The following GNB1 variants were observed in gnomAD, a reference collection of about 807,000 sequenced individuals.
GNB1 encodes the protein G protein subunit beta 1.
A neutral mutation model predicts 42.9 loss-of-function variants in GNB1; 2 were observed. The ratio of observed to expected loss-of-function variants is 0.05; its 90% CI spans 0.02 to 0.15. GNB1 has a LOEUF of 0.15. Ranked by LOEUF, GNB1 falls within the 10% of genes least tolerant of loss-of-function variation. The probability of loss-of-function intolerance (pLI) is 1.00; values close to 1 mark genes in which losing one functional copy is unlikely to be tolerated. For synonymous variants in GNB1, 183 were observed against 174.7 expected, an observed-to-expected ratio of 1.05 and a Z score of -0.38; for missense variants, 193 against 462.2, an observed-to-expected ratio of 0.42 and a Z score of 5.34.
At chr1:1,859,858 A>G (rs1453510051) in intron 1 of GNB1, among the ~76,000 whole-genome samples, 1 of 151,358 alleles carries the variant, frequency 6.6e-6, no homozygotes, top group Admixed American at 6.6e-5. Context: ...TACTAAAAAT[A>G]CAAAAAAGGT....
At chr1:1,806,390 T>C in intron 6 of GNB1, 85 bp downstream of exon 6, 1 of 819,662 alleles carries the variant, frequency 1.2e-6, no homozygotes, top group African/African-American at 1.7e-5. Context: ...TATCCTGTAT[T>C]ACGTGATTTA....
chr1:1,792,696 C>CAAAAAAAAA (rs374752641), intron 8 of GNB1, among the ~76,000 whole-genome samples: 2 of 102,808 alleles, frequency 1.9e-5, no homozygotes, highest in African/African-American at 3.6e-5. Context: ...GACTCTATCT[C>CAAAAAAAAA]AAAAAAAAAA....
chr1:1,814,814 A>G lies in GNB1; in HGVS notation c.203+942T>C, dbSNP rs560034100. The stretch of plus-strand genomic sequence containing the variant: ...CCCTGTCTCAAAAAAAAAAAAAAAA[A>G]AAAAAAGAAAAAAAGAGGCTGGGCG... On this transcript the variant is annotated intron_variant, in intron 5 of 11. Transcript: ENST00000378609. Among the ~76,000 whole-genome samples, 1,166 of 144,446 alleles carry G rather than the reference A, an allele frequency of 8.1e-3. 20 individuals are homozygous for G. The highest frequency in any genetic ancestry group is 0.027 in the African/African-American group (1,104 of 40,354). The allele number at this position is 144,446 out of a possible 152,430, so 94.8% of individuals were successfully genotyped here.
chr1:1,874,637 A>G (rs1431919716), intron 1 of GNB1, among the ~76,000 whole-genome samples: 1 of 147,386 alleles, frequency 6.8e-6, no homozygotes, highest in Non-Finnish European at 1.5e-5. Context: ...AAAAAAGTAC[A>G]AAAATTAGCT....
chr1:1,812,765 T>C (rs1486060525), intron 5 of GNB1, among the ~76,000 whole-genome samples: 1 of 152,090 alleles, frequency 6.6e-6, no homozygotes, highest in Non-Finnish European at 1.5e-5. Flanking sequence ...AGGCACAAAG[T>C]GTGTTTGAGA....
At chr1:1,847,859 A>G (rs1311484895) in intron 1 of GNB1, among the ~76,000 whole-genome samples, 2 of 152,210 alleles carry the variant, frequency 1.3e-5, no homozygotes, top group Admixed American at 1.3e-4. Context: ...ACCACACCAG[A>G]GGAATTAACA....
chr1:1,821,215 C>T (rs923417232), intron 3 of GNB1, among the ~76,000 whole-genome samples: 14 of 152,336 alleles, frequency 9.2e-5, no homozygotes, highest in African/African-American at 3.1e-4. Context: ...AGCTGCCTCT[C>T]GCACGAATGG....
intron 1 of GNB1, among the ~76,000 whole-genome samples, chr1:1,888,694 C>T (rs1489633846): frequency 6.6e-6 from 1 of 152,088 alleles, no homozygotes; most frequent in Non-Finnish European, 1.5e-5. Context: ...AAAAAATTAG[C>T]CGGGTGTGGT....
intron 3 of GNB1, chr1:1,818,146 C>T: frequency 3.2e-6 from 1 of 314,730 alleles, no homozygotes; most frequent in South Asian, 3.2e-5. Flanking sequence ...CTGTGGCCAG[C>T]ACCGAGGAGA....
intron 1 of GNB1, among the ~76,000 whole-genome samples, chr1:1,855,644 T>C (rs2101584709): frequency 6.7e-6 from 1 of 150,214 alleles, no homozygotes; most frequent in African/African-American, 2.4e-5. Context: ...GGGCGGAGCC[T>C]GCAGTGAGCC....
chr1:1,800,232 G>C (rs1646605617), intron 7 of GNB1, among the ~76,000 whole-genome samples: 1 of 152,214 alleles, frequency 6.6e-6, no homozygotes, highest in Non-Finnish European at 1.5e-5. Flanking sequence ...GCTGGGATCA[G>C]CAGACAAGAA....
chr1:1,847,921 A>G lies in GNB1; in HGVS notation c.-95-8683T>C, dbSNP rs368385622. On this transcript the variant is annotated intron_variant, in intron 1 of 11. Coordinates refer to ENST00000378609, the MANE Select transcript of GNB1 (RefSeq NM_002074.5). Reference sequence around the variant, plus strand: ...TTCCAACGTGGTGCCAAACGATGAGAAAGAAGCAGTGCCAAAAACACGTGG... The same window carrying G: ...TTCCAACGTGGTGCCAAACGATGAGGAAGAAGCAGTGCCAAAAACACGTGG... 7.9e-5 allele frequency among the ~76,000 whole-genome samples: 12 copies of G among 152,272 alleles called. 1 individual carries two copies. Among genetic ancestry groups the G allele is most frequent in the Admixed American group, 2.6e-4 (4 of 15,290 alleles).
chr1:1,837,848 A>C (rs1647173570), intron 2 of GNB1, among the ~76,000 whole-genome samples: 1 of 151,374 alleles, frequency 6.6e-6, no homozygotes, highest in African/African-American at 2.4e-5. Context: ...CAGGTGAGCC[A>C]CCTTGCCTGG....
chr1:1,869,255 A>T (rs983508192), intron 1 of GNB1, among the ~76,000 whole-genome samples: 1 of 151,772 alleles, frequency 6.6e-6, no homozygotes, highest in Admixed American at 6.6e-5. Context: ...CAAAGACCAG[A>T]GGCTCTAGTC....
intron 7 of GNB1, among the ~76,000 whole-genome samples, chr1:1,802,509 C>T (rs1356642974): frequency 6.6e-6 from 1 of 152,136 alleles, no homozygotes; most frequent in Non-Finnish European, 1.5e-5. Flanking sequence ...TGGCTCAAGC[C>T]TGTAATTCCA....
rs116566548 is a variant in GNB1, at chr1:1,788,773, C to T, written c.916+280G>A. 1,882 of 374,270 alleles carry T rather than the reference C, an allele frequency of 5.0e-3. 29 individuals carry two copies. The highest frequency in any genetic ancestry group is 0.031 in the African/African-American group (1,534 of 50,038). 23.2% of individuals were successfully genotyped at this position (374,270 alleles called of 1,614,324 possible). A position where few individuals can be genotyped will look rare whatever the true frequency, so the allele number is the denominator to read the frequency against. On this transcript the variant is annotated intron_variant, in intron 10 of 11. Coordinates refer to ENST00000378609, the MANE Select transcript of GNB1 (RefSeq NM_002074.5). ...GAAGCAGAGTTCAGAGGGGAAAGCA[C>T]GGGGCTGGGCCCTGGAGCCTGCACA...
intron 1 of GNB1, among the ~76,000 whole-genome samples, chr1:1,859,234 C>T (rs1393070780): frequency 6.6e-6 from 1 of 152,088 alleles, no homozygotes; most frequent in Non-Finnish European, 1.5e-5. Flanking sequence ...GTTGGCCAGG[C>T]TGGTCTCGAA....
intron 8 of GNB1, among the ~76,000 whole-genome samples, chr1:1,791,639 AC>A (rs1236800216): frequency 6.6e-6 from 1 of 152,156 alleles, no homozygotes; most frequent in African/African-American, 2.4e-5. Context: ...GGAAGGCAAC[AC>A]CAGAGAGCAC....
At chr1:1,822,012 G>C (rs1260075988) in intron 3 of GNB1, among the ~76,000 whole-genome samples, 4 of 152,208 alleles carry the variant, frequency 2.6e-5, no homozygotes, top group Non-Finnish European at 5.9e-5. Context: ...GCATGCTCCT[G>C]TAGTTCCAGC....
Sources: allele counts gnomAD v4.1 joint callset (sites outside exome capture counted in the v4.1 genomes callset), GRCh38; gene constraint gnomAD v4.1.1; transcripts MANE v1.5; gene names NCBI Gene and HGNC (gene_info 2026-07-23, HGNC 2026-07-21).